The following NKAIN1 variants were observed in gnomAD, a reference collection of about 807,000 sequenced individuals.
NKAIN1 encodes sodium/potassium transporting ATPase interacting 1.
NKAIN1 carries 13 observed loss-of-function variants against 31.6 expected under a neutral mutation model. The observed-to-expected ratio is 0.41, with a 90% confidence interval of 0.27 to 0.65. The LOEUF (loss-of-function observed/expected upper bound fraction) is 0.65. Among genes scored for constraint, NKAIN1 ranks in the 30% least tolerant of loss-of-function variants. NKAIN1 has a pLI of 0.30. For synonymous variants in NKAIN1, 104 were observed against 109.0 expected, an observed-to-expected ratio of 0.95 and a Z score of 0.28; for missense variants, 193 against 262.2, an observed-to-expected ratio of 0.74 and a Z score of 1.82.
chr1:31,182,494 C>G (rs750744177), intron 5 of NKAIN1, 36 bp downstream of exon 5: 3 of 1,611,900 alleles, frequency 1.9e-6, no homozygotes, highest in Middle Eastern at 3.3e-4. Context: ...AGGCGCAGGG[C>G]CAGATTCCCC....
At chr1:31,194,898 A>T in intron 1 of NKAIN1, among the ~76,000 whole-genome samples, 1 of 148,742 alleles carries the variant, frequency 6.7e-6, no homozygotes, top group African/African-American at 2.5e-5. Flanking sequence ...CAGCCTCCTA[A>T]GTAGTTGGGA....
In NKAIN1 at chr1:31,184,029, G is replaced by A; in HGVS notation, c.274-15C>T. On this transcript the variant is annotated splice_polypyrimidine_tract_variant and intron_variant, in intron 3 of 6. Transcript: ENST00000373736. ...AAGTCCCGGTCCTGGGGGCAAAGGG[G>A]CCTGGGATACTGAGTGTGAGGGAGA... 1 of 1,611,376 alleles carries A rather than the reference G, an allele frequency of 6.2e-7. No individual in the cohort carries two copies. The highest frequency in any genetic ancestry group is 8.5e-7 in the Non-Finnish European group (1 of 1,178,564).
chr1:31,234,708 A>G (rs1645682102), intron 1 of NKAIN1, among the ~76,000 whole-genome samples: 2 of 152,186 alleles, frequency 1.3e-5, no homozygotes, highest in African/African-American at 4.8e-5. Flanking sequence ...ACTGGCTCAC[A>G]GTGCAGGCAC....
intron 1 of NKAIN1, among the ~76,000 whole-genome samples, chr1:31,210,630 C>T (rs1334181135): frequency 1.3e-5 from 2 of 152,166 alleles, no homozygotes; most frequent in Non-Finnish European, 2.9e-5. Context: ...CTCTTTTGCA[C>T]CAAACCTAAC....
At chr1:31,187,674 G>A (rs775995700) in intron 2 of NKAIN1, among the ~76,000 whole-genome samples, 9 of 151,998 alleles carry the variant, frequency 5.9e-5, no homozygotes, top group Non-Finnish European at 8.8e-5. Context: ...AGGAAGACTC[G>A]CAACCTTTCT....
chr1:31,182,371 C>T (rs1185644421), intron 5 of NKAIN1, among the ~76,000 whole-genome samples, 159 bp downstream of exon 5: 1 of 152,166 alleles, frequency 6.6e-6, no homozygotes, highest in Non-Finnish European at 1.5e-5. Context: ...CTGGAACGGG[C>T]TGGTATGCAG....
In NKAIN1 at chr1:31,209,743, G is replaced by C. The variant is rs542686388; in HGVS notation, c.55-21556C>G. 7.2e-5 allele frequency among the ~76,000 whole-genome samples: 11 copies of C among 152,170 alleles called. No individual in the cohort carries two copies. In the East Asian group the frequency reaches 9.7e-4, roughly 13 times the overall value. On this transcript the variant is annotated intron_variant, in intron 1 of 6. Transcript: ENST00000373736. ...GAGGTGGGAAGACCACTTGAACCTG[G>C]GAGGTCAAGGTTGCAGTGAGCTGTG...
In NKAIN1 at chr1:31,181,653, C is replaced by T. The variant is rs1478652505; in HGVS notation, c.*50G>A. 1 of 1,428,628 alleles carries T rather than the reference C, an allele frequency of 7.0e-7. No individual in the cohort carries two copies. Among genetic ancestry groups the T allele is most frequent in the Middle Eastern group, 2.1e-4 (1 of 4,746 alleles). The allele number at this position is 1,428,628 out of a possible 1,614,324, so 88.5% of individuals were successfully genotyped here. On this transcript the variant is annotated 3_prime_UTR_variant, in exon 7 of 7. Coordinates refer to ENST00000373736, the MANE Select transcript of NKAIN1 (RefSeq NM_024522.3). ...CCTGCGCCTTGGCCCGAGCTCGCGG[C>T]AGCTGCGGTCAGCCCAGGGCGAGGC...
At chr1:31,198,297 G>A (rs1192668472) in intron 1 of NKAIN1, among the ~76,000 whole-genome samples, 1 of 152,026 alleles carries the variant, frequency 6.6e-6, no homozygotes, top group African/African-American at 2.4e-5. Flanking sequence ...CCCAGGAAAC[G>A]CATGCCCACC....
intron 1 of NKAIN1, among the ~76,000 whole-genome samples, chr1:31,210,578 C>G (rs888238521): frequency 2.0e-5 from 3 of 152,222 alleles, no homozygotes; most frequent in Non-Finnish European, 4.4e-5. Flanking sequence ...CGTGAGCCCC[C>G]ACACCCGGCT....
intron 1 of NKAIN1, among the ~76,000 whole-genome samples, chr1:31,199,857 C>G (rs1156736566): frequency 6.6e-6 from 1 of 152,128 alleles, no homozygotes; most frequent in African/African-American, 2.4e-5. Context: ...TGGCGTGTAT[C>G]CTGCCTCAGA....
At chr1:31,214,369 C>G (rs1364065708) in intron 1 of NKAIN1, among the ~76,000 whole-genome samples, 6 of 150,678 alleles carry the variant, frequency 4.0e-5, no homozygotes, top group Admixed American at 4.0e-4. Context: ...GTGATGGCTG[C>G]ACAACTTTAT....
intron 1 of NKAIN1, among the ~76,000 whole-genome samples, chr1:31,231,202 G>A (rs1210040478): frequency 1.3e-5 from 2 of 151,576 alleles, no homozygotes; most frequent in Non-Finnish European, 2.9e-5. Flanking sequence ...TAAATGTACA[G>A]TAAATTTCGT....
At chr1:31,212,175 A>G (rs1246873663) in intron 1 of NKAIN1, among the ~76,000 whole-genome samples, 2 of 152,122 alleles carry the variant, frequency 1.3e-5, no homozygotes, top group Non-Finnish European at 2.9e-5. Context: ...GATTTTCAAC[A>G]AGGGTGCCAA....
chr1:31,217,012 T>C (rs2153453), intron 1 of NKAIN1, among the ~76,000 whole-genome samples: 77,322 of 151,800 alleles, frequency 0.51, 21,064 homozygotes, highest in East Asian at 0.77. Context: ...ATTACAGGCG[T>C]GTGCCACCAC....
chr1:31,188,296 A>C (rs1014931000), intron 1 of NKAIN1, 109 bp from the exon 2 acceptor site: 33 of 1,218,226 alleles, frequency 2.7e-5, no homozygotes, highest in South Asian at 1.2e-4. Flanking sequence ...GTGATGAGGC[A>C]TAAGCCTCAG....
chr1:31,236,093 C>A (rs191132720), intron 1 of NKAIN1, among the ~76,000 whole-genome samples: 3 of 152,298 alleles, frequency 2.0e-5, no homozygotes, highest in East Asian at 3.9e-4. Context: ...TATATTCTCT[C>A]TATTTAACAG....
intron 1 of NKAIN1, among the ~76,000 whole-genome samples, chr1:31,212,608 T>A (rs952889691): frequency 6.6e-6 from 1 of 152,100 alleles, no homozygotes; most frequent in Non-Finnish European, 1.5e-5. Flanking sequence ...TGTCACCATG[T>A]TGCCCACACT....
At chr1:31,224,839 C>A (rs775987782) in intron 1 of NKAIN1, among the ~76,000 whole-genome samples, 16 of 152,158 alleles carry the variant, frequency 1.1e-4, no homozygotes, top group Non-Finnish European at 2.2e-4. Flanking sequence ...TGGAGGGTGG[C>A]CAGCTTTTCT....
Sources: allele counts gnomAD v4.1 joint callset (sites outside exome capture counted in the v4.1 genomes callset), GRCh38; gene constraint gnomAD v4.1.1; transcripts MANE v1.5; gene names NCBI Gene and HGNC (gene_info 2026-07-23, HGNC 2026-07-21).